The following GAB2 variants were observed in gnomAD, a reference collection of about 807,000 sequenced individuals.
GAB2 encodes GRB2-associated-binding protein 2.
A neutral mutation model predicts 65.5 loss-of-function variants in GAB2; 26 were observed. The ratio of observed to expected loss-of-function variants is 0.40; its 90% CI spans 0.29 to 0.55. GAB2 has a LOEUF of 0.55. Ranked by LOEUF, GAB2 falls within the 20% of genes least tolerant of loss-of-function variation. The pLI is 0.53. For missense variants in GAB2, 884 were observed against 875.8 expected (o/e 1.01, Z -0.12); for synonymous variants, 321 against 329.6 (o/e 0.97, Z 0.28).
intron 2 of GAB2, among the ~76,000 whole-genome samples, chr11:78,265,350 T>G (rs1445168267): frequency 6.6e-6 from 1 of 152,184 alleles, no homozygotes; most frequent in African/African-American, 2.4e-5. Context: ...CTGCATGATC[T>G]TGAACAAATT....
chr11:78,389,889 G>T (rs749493704), intron 1 of GAB2, among the ~76,000 whole-genome samples: 1 of 152,172 alleles, frequency 6.6e-6, no homozygotes, highest in African/African-American at 2.4e-5. Context: ...CCTAGCTGAA[G>T]TTCTTGCACA....
intron 1 of GAB2, among the ~76,000 whole-genome samples, chr11:78,328,811 G>A (rs1855868049): frequency 6.6e-6 from 1 of 151,776 alleles, no homozygotes. Context: ...AGGGGAATGG[G>A]GAAACTTTCT....
Position 78,346,699 on chromosome 11 carries a change from A to T in GAB2, c.76-65798T>A, listed in dbSNP as rs1219068389. Among the ~76,000 whole-genome samples, 142 of 94,776 alleles carry T rather than the reference A, an allele frequency of 1.5e-3. 3 individuals are homozygous for T. The highest frequency in any genetic ancestry group is 9.2e-3 in the African/African-American group (129 of 14,008). 62.2% of individuals were successfully genotyped at this position (94,776 alleles called of 152,430 possible). ...CATATATATATATATATATATATAT[A>T]TATATATATATATATATATATAATT... is the stretch of plus-strand genomic sequence containing the variant. On this transcript the variant is annotated intron_variant, in intron 1 of 9. Transcript: ENST00000361507.
chr11:78,245,222 G>C (rs1421569522), intron 3 of GAB2, among the ~76,000 whole-genome samples: 1 of 152,144 alleles, frequency 6.6e-6, no homozygotes, highest in African/African-American at 2.4e-5. Flanking sequence ...AAGATTTCTG[G>C]AGATTGATTA....
intron 1 of GAB2, among the ~76,000 whole-genome samples, chr11:78,325,854 T>A (rs1855812466): frequency 6.6e-6 from 1 of 152,034 alleles, no homozygotes. Context: ...TTCACCAGAG[T>A]CTATTCCTAT....
intron 1 of GAB2, among the ~76,000 whole-genome samples, chr11:78,330,945 G>A (rs2134676837): frequency 6.6e-6 from 1 of 152,112 alleles, no homozygotes; most frequent in Admixed American, 6.5e-5. Flanking sequence ...AGGCTGAGGT[G>A]GGCAGATCAT....
chr11:78,262,337 C>T (rs542324446), intron 2 of GAB2, among the ~76,000 whole-genome samples: 1 of 152,316 alleles, frequency 6.6e-6, no homozygotes, highest in East Asian at 1.9e-4. Flanking sequence ...TATAAAACAG[C>T]TACCTGAAGA....
chr11:78,265,366 C>T (rs9666030), intron 2 of GAB2, among the ~76,000 whole-genome samples: 6,398 of 152,118 alleles, frequency 0.042, 416 homozygotes, highest in African/African-American at 0.14. Context: ...AAATTAGTTG[C>T]CCTCTCTTCA....
chr11:78,325,598 T>G (rs888665774), intron 1 of GAB2, among the ~76,000 whole-genome samples: 4 of 152,154 alleles, frequency 2.6e-5, no homozygotes, highest in Admixed American at 2.6e-4. Context: ...CTCTGGTTCT[T>G]TCAGCCCTGG....
At chr11:78,312,305 ACCACC>A (rs1855516858) in intron 1 of GAB2, among the ~76,000 whole-genome samples, 1 of 151,932 alleles carries the variant, frequency 6.6e-6, no homozygotes, top group Non-Finnish European at 1.5e-5. Flanking sequence ...CACCACCACC[ACCACC>A]ACAACAAAAA....
chr11:78,344,311 G>A (rs1013196687), intron 1 of GAB2, among the ~76,000 whole-genome samples: 1 of 152,124 alleles, frequency 6.6e-6, no homozygotes, highest in Non-Finnish European at 1.5e-5. Flanking sequence ...AGTGATCTTA[G>A]TCATAAGGTA....
intron 1 of GAB2, among the ~76,000 whole-genome samples, chr11:78,397,274 T>A (rs780915937): frequency 3.3e-5 from 5 of 152,214 alleles, no homozygotes; most frequent in Non-Finnish European, 7.3e-5. Flanking sequence ...TAACCAATCC[T>A]GAGTAATATT....
At chr11:78,219,487 C>A (rs185401044) in intron 9 of GAB2, 72 bp from the exon 10 acceptor site, 3 of 1,407,916 alleles carry the variant, frequency 2.1e-6, no homozygotes, top group East Asian at 2.3e-5. Flanking sequence ...AAGGTGGGCA[C>A]GGGATCTTCC....
At chr11:78,319,442 G>GAT (rs532212520) in intron 1 of GAB2, among the ~76,000 whole-genome samples, 1 of 152,310 alleles carries the variant, frequency 6.6e-6, no homozygotes, top group Non-Finnish European at 1.5e-5. Context: ...TATGTATGAA[G>GAT]ATATATATTG....
chr11:78,331,671 A>C lies in GAB2; in HGVS notation c.76-50770T>G, dbSNP rs535214316. Among the ~76,000 whole-genome samples the C allele has an allele frequency of 2.6e-5, 4 of 152,268 alleles. No individual in the cohort carries two copies. The South Asian group carries it at 8.3e-4, about 32-fold the overall frequency. On this transcript the variant is annotated intron_variant, in intron 1 of 9. Coordinates refer to ENST00000361507, the MANE Select transcript of GAB2 (RefSeq NM_080491.3). ...TTACCACAGAAAACCTCTTTCTCTAAGCTTGAAGTCCTCAGGATAAGAGGA... is the reference window on the plus strand; with the variant it reads ...TTACCACAGAAAACCTCTTTCTCTACGCTTGAAGTCCTCAGGATAAGAGGA...
intron 1 of GAB2, among the ~76,000 whole-genome samples, chr11:78,293,879 G>C (rs963147422): frequency 2.6e-5 from 4 of 152,032 alleles, no homozygotes; most frequent in African/African-American, 9.7e-5. Context: ...ATGCAAGCAG[G>C]TTAAAAGATG....
At chr11:78,393,329 A>C (rs933104933) in intron 1 of GAB2, among the ~76,000 whole-genome samples, 1 of 152,220 alleles carries the variant, frequency 6.6e-6, no homozygotes. Context: ...GAAGTCACAC[A>C]GTTTTCCCAA....
At chr11:78,378,054 T>C (rs990908495) in intron 1 of GAB2, among the ~76,000 whole-genome samples, 1 of 152,190 alleles carries the variant, frequency 6.6e-6, no homozygotes, top group African/African-American at 2.4e-5. Context: ...CTGACTACCG[T>C]AGTTTCCAAT....
chr11:78,241,535 C>T (rs1201155280), intron 3 of GAB2, among the ~76,000 whole-genome samples: 2 of 148,776 alleles, frequency 1.3e-5, no homozygotes, highest in African/African-American at 5.0e-5. Flanking sequence ...CAATGAGGTA[C>T]AAGAAAACAC....
Sources: allele counts gnomAD v4.1 joint callset (sites outside exome capture counted in the v4.1 genomes callset), GRCh38; gene constraint gnomAD v4.1.1; transcripts MANE v1.5; gene names NCBI Gene and HGNC (gene_info 2026-07-23, HGNC 2026-07-21).